DLGAP1: variants seen among roughly 807,000 people sequenced by gnomAD.
DLGAP1 encodes disks large-associated protein 1.
DLGAP1 carries 11 observed loss-of-function variants against 90.8 expected under a neutral mutation model. That is an observed-to-expected ratio of 0.12 (90% CI 0.08 to 0.20). DLGAP1 has a LOEUF of 0.20. Among genes scored for constraint, DLGAP1 ranks in the 10% least tolerant of loss-of-function variants. The probability of loss-of-function intolerance (pLI) is 1.00; values close to 1 mark genes in which losing one functional copy is unlikely to be tolerated. For missense variants in DLGAP1, 1,050 were observed against 1,333.8 expected, an observed-to-expected ratio of 0.79 and a Z score of 3.31; for synonymous variants, 558 against 540.7, an observed-to-expected ratio of 1.03 and a Z score of -0.44.
chr18:3,861,207 T>C (rs1460513983), intron 4 of DLGAP1, among the ~76,000 whole-genome samples: 1 of 152,198 alleles, frequency 6.6e-6, no homozygotes, highest in African/African-American at 2.4e-5. Flanking sequence ...GATTACATTG[T>C]TATAGGAGCT....
At chr18:4,329,058 C>T (rs2080889306) in intron 1 of DLGAP1, among the ~76,000 whole-genome samples, 2 of 151,794 alleles carry the variant, frequency 1.3e-5, no homozygotes, top group African/African-American at 4.8e-5. Context: ...AATGTACCAA[C>T]ATTTTCTTTT....
intron 3 of DLGAP1, among the ~76,000 whole-genome samples, chr18:3,950,038 A>G (rs567635609): frequency 2.0e-5 from 3 of 152,348 alleles, no homozygotes; most frequent in African/African-American, 7.2e-5. Context: ...AGTGAGTTCT[A>G]TATTACTGAG....
At chr18:3,783,719 C>CA (rs1365456320) in intron 5 of DLGAP1, among the ~76,000 whole-genome samples, 1 of 151,966 alleles carries the variant, frequency 6.6e-6, no homozygotes, top group Non-Finnish European at 1.5e-5. Context: ...TGTGAAGATA[C>CA]AAAAAACCAT....
intron 1 of DLGAP1, among the ~76,000 whole-genome samples, chr18:4,278,750 A>C (rs2079478091): frequency 9.0e-6 from 1 of 110,594 alleles, no homozygotes; most frequent in Admixed American, 8.1e-5. Context: ...AATGTTATAC[A>C]CACACACACA....
chr18:3,753,810 G>C (rs1305450964), intron 5 of DLGAP1, among the ~76,000 whole-genome samples: 1 of 152,152 alleles, frequency 6.6e-6, no homozygotes, highest in Non-Finnish European at 1.5e-5. Context: ...ACCAATCATT[G>C]GCTGATCACT....
intron 2 of DLGAP1, among the ~76,000 whole-genome samples, chr18:4,067,933 T>G (rs985270841): frequency 6.6e-6 from 1 of 152,058 alleles, no homozygotes; most frequent in Admixed American, 6.6e-5. Flanking sequence ...TCTTAGGACC[T>G]CTTGAGACTG....
At chr18:3,554,670 A>C (rs2053652789) in intron 9 of DLGAP1, among the ~76,000 whole-genome samples, 2 of 152,202 alleles carry the variant, frequency 1.3e-5, no homozygotes, top group South Asian at 4.1e-4. Flanking sequence ...ATTGAAGCAG[A>C]TAGGGCTACC....
At chr18:3,939,898 T>G (rs368679417) in intron 3 of DLGAP1, among the ~76,000 whole-genome samples, 52 of 152,290 alleles carry the variant, frequency 3.4e-4, no homozygotes, top group African/African-American at 1.2e-3. Context: ...ATCATTTTAC[T>G]TTTGTGGTAT....
intron 7 of DLGAP1, among the ~76,000 whole-genome samples, chr18:3,599,839 G>T (rs369406778): frequency 3.3e-5 from 5 of 151,944 alleles, no homozygotes; most frequent in African/African-American, 1.2e-4. Flanking sequence ...GGATGGTCTC[G>T]ATCTCTTGAC....
At chr18:4,369,924 G>C (rs889216328) in intron 1 of DLGAP1, among the ~76,000 whole-genome samples, 8 of 151,742 alleles carry the variant, frequency 5.3e-5, no homozygotes, top group Non-Finnish European at 1.0e-4. Flanking sequence ...AGGGGACCCA[G>C]CTGGAGCAGC....
chr18:3,656,736 A>AT (rs777850658), intron 7 of DLGAP1, among the ~76,000 whole-genome samples: 3,570 of 145,050 alleles, frequency 0.025, 85 homozygotes, highest in African/African-American at 0.054. Flanking sequence ...TTTGCAGTGA[A>AT]TTTTTTTTTT....
intron 2 of DLGAP1, among the ~76,000 whole-genome samples, chr18:4,034,167 G>A (rs575879968): frequency 1.1e-4 from 17 of 149,302 alleles, no homozygotes; most frequent in Non-Finnish European, 2.2e-4. Flanking sequence ...TCAGCCTCCC[G>A]AGTAGCTGGG....
At chr18:4,255,843 A>G (rs547080497) in intron 1 of DLGAP1, among the ~76,000 whole-genome samples, 3 of 152,338 alleles carry the variant, frequency 2.0e-5, no homozygotes, top group African/African-American at 7.2e-5. Context: ...TTTTTAACAT[A>G]AAATATTAGA....
chr18:3,549,485 A>T (rs755532708), intron 9 of DLGAP1, among the ~76,000 whole-genome samples: 9 of 152,056 alleles, frequency 5.9e-5, no homozygotes, highest in Non-Finnish European at 2.9e-5. Flanking sequence ...GGCACGTGTC[A>T]CCACACCCAG....
chr18:4,264,035 G>A (rs777380015), intron 1 of DLGAP1, among the ~76,000 whole-genome samples: 2 of 152,232 alleles, frequency 1.3e-5, no homozygotes, highest in South Asian at 4.2e-4. Context: ...ATATAAATAA[G>A]TCATATGTGC....
intron 7 of DLGAP1, among the ~76,000 whole-genome samples, chr18:3,704,518 C>G (rs1295806530): frequency 6.6e-6 from 1 of 151,640 alleles, no homozygotes; most frequent in South Asian, 2.1e-4. Flanking sequence ...TGCAGTGAGC[C>G]GAGACTGCAC....
At chr18:4,407,832 G>A (rs1021688560) in intron 1 of DLGAP1, among the ~76,000 whole-genome samples, 1 of 151,734 alleles carries the variant, frequency 6.6e-6, no homozygotes, top group Non-Finnish European at 1.5e-5. Flanking sequence ...GCAGTGAGCC[G>A]AGATTACGCC....
chr18:3,576,397 T>C (rs542065512), intron 8 of DLGAP1, among the ~76,000 whole-genome samples: 1 of 151,654 alleles, frequency 6.6e-6, no homozygotes, highest in African/African-American at 2.4e-5. Flanking sequence ...TACTTGATAT[T>C]ACAGGTGCCC....
At chr18:3,926,868 C>A (rs1467890617) in intron 3 of DLGAP1, among the ~76,000 whole-genome samples, 2 of 151,906 alleles carry the variant, frequency 1.3e-5, no homozygotes, top group Non-Finnish European at 2.9e-5. Context: ...AGGGCTGGGG[C>A]TGGGGCAACA....
Sources: gnomAD v4.1 joint callset for allele counts (sites outside exome capture counted in the v4.1 genomes callset) on GRCh38, gnomAD v4.1.1 for gene constraint, MANE v1.5 for transcripts, NCBI Gene and HGNC (gene_info 2026-07-23, HGNC 2026-07-21) for gene names.